HDAC7: variants seen among roughly 807,000 people sequenced by gnomAD.
HDAC7 encodes the protein histone deacetylase 7.
HDAC7 carries 26 observed loss-of-function variants against 115.5 expected under a neutral mutation model. The ratio of observed to expected loss-of-function variants is 0.23; its 90% CI spans 0.16 to 0.31. HDAC7 has a LOEUF of 0.31. Ranked by LOEUF, HDAC7 falls within the 10% of genes least tolerant of loss-of-function variation. HDAC7 has a pLI of 1.00. For synonymous variants in HDAC7, 564 were observed against 550.9 expected, an observed-to-expected ratio of 1.02 and a Z score of -0.33; for missense variants, 1,068 against 1,329.0, an observed-to-expected ratio of 0.80 and a Z score of 3.05.
Position 47,795,147 on chromosome 12 carries a change from C to T in HDAC7, c.1284+37G>A. On this transcript the variant is annotated intron_variant, in intron 11 of 25. Coordinates refer to ENST00000080059, the MANE Select transcript of HDAC7 (RefSeq NM_015401.5). This position sits in a 1 kb window ranked among gnomAD's most constrained non-coding sequence, Gnocchi z 4.3. ...TTTGGCCCCTAAGTCCCCAGTTAAA[C>T]ACTCCCTCAATACCTCCACTGCCCA... The T allele has an allele frequency of 6.5e-7, 1 of 1,544,206 alleles. No homozygotes were observed. The highest frequency in any genetic ancestry group is 1.4e-5 in the African/African-American group (1 of 73,458).
At chr12:47,792,235 T>C (rs1365188106) in intron 13 of HDAC7, 1 of 557,776 alleles carries the variant, frequency 1.8e-6, no homozygotes, top group African/African-American at 1.9e-5. Context: ...AGCCAACACA[T>C]CAACACAGCT....
chr12:47,791,817 C>CCCCCCAAAA, intron 14 of HDAC7, 54 bp downstream of exon 14: 1 of 1,571,736 alleles, frequency 6.4e-7, no homozygotes, highest in Non-Finnish European at 8.7e-7. Context: ...CACCCCTCCC[C>CCCCCCAAAA]TCCCATGACT....
At chr12:47,788,191 G>A (rs764263133) in intron 19 of HDAC7, 27 bp from the exon 20 acceptor site, 2 of 1,583,248 alleles carry the variant, frequency 1.3e-6, no homozygotes, top group South Asian at 1.2e-5. Flanking sequence ...GCAGCGATTA[G>A]GGAAGGCAGA....
At position 47,796,200 on chromosome 12, in the gene HDAC7, G is replaced by A. The variant is rs1943829556; in HGVS notation, c.795+7C>T. ...CCCAGGAGAGCCCAGTCTCGGCAAG[G>A]CCTTACCTCCGAGCCCAGGATGGGA... On this transcript the variant is annotated splice_region_variant and intron_variant, in intron 8 of 25. Coordinates refer to ENST00000080059, the MANE Select transcript of HDAC7 (RefSeq NM_015401.5). 2 of 1,603,838 alleles carry A rather than the reference G, an allele frequency of 1.2e-6. No homozygotes were observed. Among genetic ancestry groups the A allele is most frequent in the East Asian group, 2.2e-5 (1 of 44,540 alleles).
intron 1 of HDAC7, chr12:47,813,328 T>A (rs1250410441): frequency 6.6e-6 from 1 of 152,208 alleles, no homozygotes; most frequent in Non-Finnish European, 1.5e-5. Context: ...ACAAGACGGT[T>A]ACAGCCCAAT....
chr12:47,787,919 G>C, intron 20 of HDAC7, 110 bp from the exon 21 acceptor site: 1 of 1,539,606 alleles, frequency 6.5e-7, no homozygotes. Flanking sequence ...TTTCCAGGTG[G>C]GGAAGTTTAG....
In HDAC7 at chr12:47,783,006, C is replaced by G. The variant is rs1140779; in HGVS notation, c.*835G>C. On this transcript the variant is annotated 3_prime_UTR_variant, in exon 26 of 26. Coordinates refer to ENST00000080059, the MANE Select transcript of HDAC7 (RefSeq NM_015401.5). ...TCCCACCCCTTCCCCCTCAGTCAGG[C>G]TACTCCTATGTGGGGTGGGAATCAG... The G allele has an allele frequency of 6.5e-6, 1 of 152,752 alleles. No homozygotes were observed. Among genetic ancestry groups the G allele is most frequent in the Non-Finnish European group, 1.5e-5 (1 of 68,124 alleles). 9.5% of individuals were successfully genotyped at this position (152,752 alleles called of 1,614,324 possible).
At chr12:47,784,305 A>C in intron 24 of HDAC7, 88 bp from the exon 25 acceptor site, 1 of 1,409,030 alleles carries the variant, frequency 7.1e-7, no homozygotes, top group Non-Finnish European at 9.5e-7. Flanking sequence ...TTGGTGTCTC[A>C]GGCCCAGGGC....
At chr12:47,789,156 A>G in intron 19 of HDAC7, 105 bp downstream of exon 19, 1 of 873,886 alleles carries the variant, frequency 1.1e-6, no homozygotes, top group Middle Eastern at 2.2e-4. Context: ...TGAGGCTCAG[A>G]GAGGCTACTG....
rs189870572 is a variant in HDAC7 at position 47,787,198 on chromosome 12, G to C, written c.2454-495C>G. The stretch of plus-strand genomic sequence containing the variant: ...GGACAACTAGGTCCTCTGAGGTTCT[G>C]CGCCACCTGGCTACATTCTCTCATC... On this transcript the variant is annotated intron_variant, in intron 21 of 25. Coordinates refer to ENST00000080059, the MANE Select transcript of HDAC7 (RefSeq NM_015401.5). Among the ~76,000 whole-genome samples the C allele has an allele frequency of 3.4e-3, 519 of 150,806 alleles. 5 individuals are homozygous for C. The highest frequency in any genetic ancestry group is 0.017 in the Middle Eastern group (5 of 294).
rs115168633 is a variant in HDAC7, at chr12:47,803,520, A to G, written c.20-1246T>C. ...TCGGTCCGAAAATGCTGCTCTACCT[A>G]TTTAAATTCTGCCCATCCTCTGAGG... On this transcript the variant is annotated intron_variant, in intron 1 of 25. Coordinates refer to ENST00000080059, the MANE Select transcript of HDAC7 (RefSeq NM_015401.5). The surrounding 1 kb of genome is among the most constrained non-coding windows in gnomAD (Gnocchi z 4.0). 3.8e-3 allele frequency among the ~76,000 whole-genome samples: 577 copies of G among 152,220 alleles called. 3 individuals are homozygous for G. Among genetic ancestry groups the G allele is most frequent in the African/African-American group, 0.013 (535 of 41,534 alleles).
In HDAC7 at chr12:47,794,781, A is replaced by G. The variant is rs1345257387; in HGVS notation, c.1437T>C (p.Ala479=). 14 of 1,607,672 alleles carry G rather than the reference A, an allele frequency of 8.7e-6. No individual in the cohort carries two copies. The highest frequency in any genetic ancestry group is 1.2e-5 in the Non-Finnish European group (14 of 1,177,608). ...GHGQPEARGP[A]PLQQHPQVLL... is the part of the protein sequence containing the mutation. ...ATACCTGAGGGTGCTGCTGGAGAGG[A>G]GCGGGGCCTCTGGCCTCAGGCTGCC... Residue 479 remains alanine (A), a synonymous_variant, in exon 12 of 26, where the codon GCT becomes GCC. Coordinates refer to ENST00000080059, the MANE Select transcript of HDAC7 (RefSeq NM_015401.5).
Position 47,787,970 on chromosome 12 carries a change from C to T in HDAC7, c.2355+75G>A, listed in dbSNP as rs1032966850. On this transcript the variant is annotated intron_variant, in intron 20 of 25. Coordinates refer to ENST00000080059, the MANE Select transcript of HDAC7 (RefSeq NM_015401.5). Reference sequence around the variant, plus strand: ...GCAGTCTGCCCAGGATCACACAGCTCGTCATGACAGAGGCAGAGTAAGTGT... The same window carrying T: ...GCAGTCTGCCCAGGATCACACAGCTTGTCATGACAGAGGCAGAGTAAGTGT... The T allele has an allele frequency of 8.8e-6, 14 of 1,588,154 alleles. No individual in the cohort carries two copies. In the African/African-American group the frequency reaches 1.3e-4, roughly 15 times the overall value.
At chr12:47,784,593 G>C in intron 24 of HDAC7, 1 of 875,202 alleles carries the variant, frequency 1.1e-6, no homozygotes, top group Non-Finnish European at 1.7e-6. Flanking sequence ...AGAGCCCCAA[G>C]CTCGGGCCTC....
In HDAC7 at chr12:47,788,625, C is replaced by T. The variant is rs79875444; in HGVS notation, c.2236-461G>A. The T allele has an allele frequency of 5.2e-4, 80 of 154,688 alleles. No individual in the cohort carries two copies. The East Asian group carries it at 0.013, about 24-fold the overall frequency. 9.6% of individuals were successfully genotyped at this position (154,688 alleles called of 1,614,324 possible). ...AGGGAGAGCTGGGCCCTACACTCGA[C>T]TCACAGGACCATGCGGGAACTCAAG... On this transcript the variant is annotated intron_variant, in intron 19 of 25. Coordinates refer to ENST00000080059, the MANE Select transcript of HDAC7 (RefSeq NM_015401.5).
chr12:47,810,691 G>A (rs888451566), intron 1 of HDAC7, among the ~76,000 whole-genome samples: 1 of 152,210 alleles, frequency 6.6e-6, no homozygotes, highest in Non-Finnish European at 1.5e-5. Flanking sequence ...AGGATCAAAC[G>A]CTGCGTGAGC....
chr12:47,816,474 A>G lies in HDAC7; in HGVS notation c.19+3293T>C, dbSNP rs1315724136. ...CCAAAACACCCAACACAGAACCACC[A>G]CATAGATCACAAATTGCCCGGAACC... On this transcript the variant is annotated intron_variant, in intron 1 of 25. Transcript: ENST00000080059. 3.3e-5 allele frequency among the ~76,000 whole-genome samples: 5 copies of G among 152,118 alleles called. No homozygotes were observed. In the East Asian group the frequency reaches 5.8e-4, roughly 18 times the overall value.
At position 47,785,479 on chromosome 12, in the gene HDAC7, A is replaced by G; in HGVS notation, c.2707-8T>C. The G allele has an allele frequency of 6.2e-7, 1 of 1,608,140 alleles. No homozygotes were observed. The highest frequency in any genetic ancestry group is 1.3e-5 in the African/African-American group (1 of 74,872). On this transcript the variant is annotated splice_region_variant and splice_polypyrimidine_tract_variant and intron_variant, in intron 23 of 25. Transcript: ENST00000080059. ...TTCTGAAAGGGGATCCACCTATAGAAAACAGTACATCAGCCACCAGTCTCT... is the reference window on the plus strand; with the variant it reads ...TTCTGAAAGGGGATCCACCTATAGAGAACAGTACATCAGCCACCAGTCTCT...
At position 47,798,919 on chromosome 12, in the gene HDAC7, G is replaced by A. The variant is rs774388464; in HGVS notation, c.124C>T (p.Leu42=). Reference sequence around the variant, plus strand: ...ACTGGGGGCCGCTGGCCCACCCGCAGGTCCATGGGCTGCGGCTGAGGGCCT... The same window carrying A: ...ACTGGGGGCCGCTGGCCCACCCGCAAGTCCATGGGCTGCGGCTGAGGGCCT... ...TPGPQPQPMD[L]RVGQRPPVEP... The change falls in exon 3 of 26, where the codon CTG becomes TTG. Residue 42 remains leucine (L), a synonymous_variant. Transcript: ENST00000080059. This position sits in a 1 kb window ranked among gnomAD's most constrained non-coding sequence, Gnocchi z 4.3. 2 of 1,532,900 alleles carry A rather than the reference G, an allele frequency of 1.3e-6. No individual in the cohort carries two copies. The highest frequency in any genetic ancestry group is 4.7e-5 in the East Asian group (2 of 42,734). 95.0% of individuals were successfully genotyped at this position (1,532,900 alleles called of 1,614,324 possible).
Sources: gnomAD v4.1 joint callset for allele counts (sites outside exome capture counted in the v4.1 genomes callset) on GRCh38, gnomAD v4.1.1 for gene constraint, Gnocchi (gnomAD v3.1) non-coding constraint, MANE v1.5 for transcripts, NCBI Gene and HGNC (gene_info 2026-07-23, HGNC 2026-07-21) for gene names.